USP47: variants seen among roughly 807,000 people sequenced by gnomAD.
USP47 encodes ubiquitin carboxyl-terminal hydrolase 47.
A neutral mutation model predicts 165.1 loss-of-function variants in USP47; 35 were observed. That is an observed-to-expected ratio of 0.21 (90% CI 0.16 to 0.28). USP47 has a LOEUF of 0.28. Among genes scored for constraint, USP47 ranks in the 10% least tolerant of loss-of-function variants. The probability of loss-of-function intolerance (pLI) is 1.00; values close to 1 mark genes in which losing one functional copy is unlikely to be tolerated. For missense variants in USP47, 1,277 were observed against 1,607.4 expected, an observed-to-expected ratio of 0.79 and a Z score of 3.52; for synonymous variants, 531 against 544.5, an observed-to-expected ratio of 0.98 and a Z score of 0.35.
chr11:11,932,940 G>A, intron 14 of USP47, 64 bp from the exon 15 acceptor site: 1 of 1,207,882 alleles, frequency 8.3e-7, no homozygotes, highest in Admixed American at 1.9e-5. Context: ...GCATAGTGAA[G>A]CAGGATGAAT....
intron 10 of USP47, 120 bp downstream of exon 10, chr11:11,920,614 T>A: frequency 1.1e-6 from 1 of 874,012 alleles, no homozygotes; most frequent in Non-Finnish European, 1.6e-6. Context: ...GATGGAAACT[T>A]TTTCTTTCTT....
chr11:11,955,144 T>C lies in USP47; in HGVS notation c.3873T>C (p.Asp1291=), dbSNP rs17378597. Reference sequence around the variant, plus strand: ...TCTGGCCTCTTTATATCTGTGATGATGGTGCGGTCATATTTTATAGGTAAC... The same window carrying C: ...TCTGGCCTCTTTATATCTGTGATGACGGTGCGGTCATATTTTATAGGTAAC... ...LNVWPLYICD[D]GAVIFYRDKT... Residue 1291 remains aspartate (D), a synonymous_variant, in exon 27 of 28, where the codon GAT becomes GAC. Coordinates refer to ENST00000527733, the MANE Select transcript of USP47 (RefSeq NM_001282659.2). 0.025 allele frequency: 39,670 copies of C among 1,613,502 alleles called. 608 individuals carry two copies. Among genetic ancestry groups the C allele is most frequent in the Middle Eastern group, 0.041 (250 of 6,056 alleles).
chr11:11,882,154 C>T (rs1385430580), intron 2 of USP47, among the ~76,000 whole-genome samples: 3 of 152,098 alleles, frequency 2.0e-5, no homozygotes, highest in Admixed American at 6.6e-5. Flanking sequence ...CTGCTCATTG[C>T]CCACTGATTA....
chr11:11,932,305 T>C lies in USP47; in HGVS notation c.1652-699T>C, dbSNP rs191752878. 1.6e-4 allele frequency among the ~76,000 whole-genome samples: 24 copies of C among 152,270 alleles called. No homozygotes were observed. In the East Asian group the frequency reaches 2.1e-3, roughly 13 times the overall value. On this transcript the variant is annotated intron_variant, in intron 14 of 27. Coordinates refer to ENST00000527733, the MANE Select transcript of USP47 (RefSeq NM_001282659.2). ...CTCCCACCAGGCCCCACCTCCAGTA[T>C]TGGGGATTCCAATTCAACATGAGAT... is the stretch of plus-strand genomic sequence containing the variant.
chr11:11,950,669 G>A (rs367950809), intron 24 of USP47, among the ~76,000 whole-genome samples, 187 bp downstream of exon 24: 1 of 152,076 alleles, frequency 6.6e-6, no homozygotes, highest in East Asian at 1.9e-4. Flanking sequence ...CTTATCCTTG[G>A]GAGTTTTATT....
chr11:11,894,734 C>G (rs942332250), intron 4 of USP47, among the ~76,000 whole-genome samples: 1 of 152,176 alleles, frequency 6.6e-6, no homozygotes, highest in Non-Finnish European at 1.5e-5. Context: ...TCCTGTGGCT[C>G]TCTGAGGCCT....
intron 1 of USP47, among the ~76,000 whole-genome samples, chr11:11,842,771 A>AAGT (rs1848206026): frequency 6.6e-6 from 1 of 152,034 alleles, no homozygotes; most frequent in African/African-American, 2.4e-5. Flanking sequence ...GATCGTGGAA[A>AAGT]AGTAGTACAT....
intron 2 of USP47, 70 bp downstream of exon 2, chr11:11,880,450 G>A: frequency 8.6e-7 from 1 of 1,156,662 alleles, no homozygotes; most frequent in Non-Finnish European, 1.1e-6. Flanking sequence ...TGATGATAAT[G>A]TTAAATCCTG....
chr11:11,925,112 GTTTT>G (rs570498788), intron 11 of USP47, among the ~76,000 whole-genome samples: 1 of 140,958 alleles, frequency 7.1e-6, no homozygotes, highest in African/African-American at 2.6e-5. Context: ...TTAGTTTTTG[GTTTT>G]TTTTTTTTTG....
At chr11:11,950,531 A>G in intron 24 of USP47, 49 bp downstream of exon 24, 1 of 1,208,454 alleles carries the variant, frequency 8.3e-7, no homozygotes, top group Non-Finnish European at 1.2e-6. Flanking sequence ...ATACTCTAGA[A>G]CTAATAGAAG....
Position 11,933,247 on chromosome 11 carries a change from A to G in USP47, c.1764+131A>G, listed in dbSNP as rs1383912087. The G allele has an allele frequency of 4.0e-6, 3 of 750,768 alleles. No homozygotes were observed. In the African/African-American group the frequency reaches 5.3e-5, roughly 13 times the overall value. 46.5% of individuals were successfully genotyped at this position (750,768 alleles called of 1,614,324 possible). The stretch of plus-strand genomic sequence containing the variant: ...ATCATGATCATTGAACAGTGTAACC[A>G]ACTATACTATAAAGGTAAAATTTGA... On this transcript the variant is annotated intron_variant, in intron 15 of 27. Coordinates refer to ENST00000527733, the MANE Select transcript of USP47 (RefSeq NM_001282659.2).
intron 1 of USP47, chr11:11,856,453 A>G (rs1849044607): frequency 6.6e-6 from 1 of 152,132 alleles, no homozygotes; most frequent in Non-Finnish European, 1.5e-5. Context: ...AGAATAAAAT[A>G]TTTCTTTTCA....
intron 1 of USP47, among the ~76,000 whole-genome samples, chr11:11,842,775 A>T (rs908928371): frequency 6.7e-6 from 1 of 149,016 alleles, no homozygotes; most frequent in Non-Finnish European, 1.5e-5. Context: ...GTGGAAAAGT[A>T]GTACATGGGA....
intron 1 of USP47, among the ~76,000 whole-genome samples, chr11:11,867,403 GTT>G (rs1360194366): frequency 6.6e-6 from 1 of 152,016 alleles, no homozygotes; most frequent in Non-Finnish European, 1.5e-5. Flanking sequence ...ATGCTCTAAT[GTT>G]TTACATCTCT....
intron 8 of USP47, 83 bp from the exon 9 acceptor site, chr11:11,920,073 A>C: frequency 4.0e-6 from 4 of 1,000,114 alleles, no homozygotes; most frequent in Non-Finnish European, 5.5e-6. Context: ...TATAACTTTT[A>C]GTAATTACAG....
chr11:11,877,384 A>T (rs1194176186), intron 1 of USP47, among the ~76,000 whole-genome samples: 3 of 152,210 alleles, frequency 2.0e-5, no homozygotes, highest in Non-Finnish European at 4.4e-5. Flanking sequence ...AGTAGAATTT[A>T]GCAGTGGCTA....
At chr11:11,945,403 G>C in intron 20 of USP47, among the ~76,000 whole-genome samples, 1 of 152,176 alleles carries the variant, frequency 6.6e-6, no homozygotes, top group Non-Finnish European at 1.5e-5. Context: ...ACTATGCACA[G>C]TATACGCAGT....
chr11:11,912,167 A>C (rs1445271315), intron 8 of USP47, among the ~76,000 whole-genome samples: 1 of 151,880 alleles, frequency 6.6e-6, no homozygotes, highest in East Asian at 1.9e-4. Flanking sequence ...AACCTGAAAA[A>C]AGAAGAGCAA....
rs376566713 is a variant in USP47 at position 11,915,938 on chromosome 11, G to A, written c.970-4218G>A. ...CACTCATTTCTCTATTCAAAATTAA[G>A]TAGATTTTAATTGATGAATAATTCA... is the stretch of plus-strand genomic sequence containing the variant. On this transcript the variant is annotated intron_variant, in intron 8 of 27. Transcript: ENST00000527733. 5.6e-4 allele frequency among the ~76,000 whole-genome samples: 85 copies of A among 152,154 alleles called. 3 individuals are homozygous for A. In the South Asian group the frequency reaches 0.017, roughly 31 times the overall value.
Sources: gnomAD v4.1 joint callset for allele counts (sites outside exome capture counted in the v4.1 genomes callset) on GRCh38, gnomAD v4.1.1 for gene constraint, MANE v1.5 for transcripts, NCBI Gene and HGNC (gene_info 2026-07-23, HGNC 2026-07-21) for gene names.